The following SH3D19 variants were observed in gnomAD, a reference collection of about 807,000 sequenced individuals.
SH3D19 encodes the protein SH3 domain containing 19, also known as SH3 domain-containing protein 19.
SH3D19 carries 58 observed loss-of-function variants against 112.1 expected under a neutral mutation model. That is an observed-to-expected ratio of 0.52 (90% CI 0.42 to 0.64). SH3D19 has a LOEUF of 0.64. Ranked by LOEUF, SH3D19 falls within the 30% of genes least tolerant of loss-of-function variation. SH3D19 has a pLI of 0.00. For missense variants in SH3D19, 1,090 were observed against 1,263.4 expected, an observed-to-expected ratio of 0.86 and a Z score of 2.08; for synonymous variants, 391 against 448.5, an observed-to-expected ratio of 0.87 and a Z score of 1.62.
intron 2 of SH3D19, among the ~76,000 whole-genome samples, chr4:151,190,624 G>C (rs1308253301): frequency 6.6e-6 from 1 of 152,204 alleles, no homozygotes; most frequent in Non-Finnish European, 1.5e-5. Context: ...TCCATGTGGT[G>C]TTGAGCGTGC....
chr4:151,272,098 A>G (rs942908076), intron 1 of SH3D19, among the ~76,000 whole-genome samples: 6 of 152,228 alleles, frequency 3.9e-5, no homozygotes, highest in Non-Finnish European at 8.8e-5. Context: ...GAGCCAGTGA[A>G]GCAGTAAAAT....
rs1730947865 is a variant in SH3D19 at position 151,325,321 on chromosome 4, T to A, written c.32A>T (p.Glu11Val). ...TTCGCGGCGCTCGCGTAGCTCTTCC[T>A]CCTCGTCCTCCCGCCGCCGGCCCTC... is the stretch of plus-strand genomic sequence containing the variant. Reference protein sequence around the residue: MAEGRRREDEEEELRERRELG... With the variant: MAEGRRREDEVEELRERRELG... Residue 11 changes from glutamate to valine, a missense_variant, in exon 1 of 20, where the codon GAG becomes GTG. By Grantham distance (121) the Glu-to-Val change is moderately radical. Transcript: ENST00000604030. 1 of 1,217,488 alleles carries A rather than the reference T, an allele frequency of 8.2e-7. No homozygotes were observed. Among genetic ancestry groups the A allele is most frequent in the Non-Finnish European group, 1.0e-6 (1 of 978,740 alleles). 75.4% of individuals were successfully genotyped at this position (1,217,488 alleles called of 1,614,324 possible). A position where few individuals can be genotyped will look rare whatever the true frequency, so the allele number is the denominator to read the frequency against.
chr4:151,240,228 G>A (rs1202284185), intron 1 of SH3D19, among the ~76,000 whole-genome samples: 1 of 149,684 alleles, frequency 6.7e-6, no homozygotes, highest in Non-Finnish European at 1.5e-5. Context: ...AAGATGGCGA[G>A]ATCTGGTCTT....
chr4:151,205,660 A>T (rs1397298495), intron 2 of SH3D19, among the ~76,000 whole-genome samples: 1 of 152,232 alleles, frequency 6.6e-6, no homozygotes, highest in African/African-American at 2.4e-5. Context: ...TCATTTAATA[A>T]GAATCAATTA....
At chr4:151,231,835 C>G (rs1221436096) in intron 1 of SH3D19, among the ~76,000 whole-genome samples, 1 of 152,162 alleles carries the variant, frequency 6.6e-6, no homozygotes, top group Non-Finnish European at 1.5e-5. Context: ...ATGCAGTACT[C>G]TAATTACCCA....
chr4:151,257,398 T>C (rs1275478633), intron 1 of SH3D19, among the ~76,000 whole-genome samples: 1 of 152,122 alleles, frequency 6.6e-6, no homozygotes, highest in African/African-American at 2.4e-5. Context: ...GATAACTCAA[T>C]TGTAATAATT....
At chr4:151,286,430 A>G (rs1774793625) in intron 1 of SH3D19, among the ~76,000 whole-genome samples, 1 of 151,490 alleles carries the variant, frequency 6.6e-6, no homozygotes, top group South Asian at 2.1e-4. Context: ...ACCTTACAGA[A>G]ATAAAAAGAA....
intron 1 of SH3D19, among the ~76,000 whole-genome samples, chr4:151,237,066 C>A (rs1270716004): frequency 2.6e-5 from 4 of 152,218 alleles, no homozygotes; most frequent in African/African-American, 9.6e-5. Flanking sequence ...TGCTGCTGCT[C>A]ACCCTTTGGG....
At chr4:151,168,312 A>C (rs1275105095) in intron 7 of SH3D19, among the ~76,000 whole-genome samples, 2 of 152,140 alleles carry the variant, frequency 1.3e-5, no homozygotes, top group African/African-American at 4.8e-5. Flanking sequence ...GAGGCAGGTG[A>C]CATTGTCTTT....
Position 151,222,655 on chromosome 4 carries a change from G to GTCTC in SH3D19, c.152+3388_152+3391dup, listed in dbSNP as rs34787298. ...AGATTTGGTTGTTAATATCTCTTTG[G>GTCTC]TCTCTCTCTCTCTTTTTTTTTTTTT... On this transcript the variant is annotated intron_variant, in intron 2 of 19. Transcript: ENST00000604030. Among the ~76,000 whole-genome samples, 256 of 93,044 alleles carry GTCTC rather than the reference G, an allele frequency of 2.8e-3. 1 individual carries two copies. The highest frequency in any genetic ancestry group is 8.9e-3 in the African/African-American group (232 of 26,202). 61.0% of individuals were successfully genotyped at this position (93,044 alleles called of 152,430 possible).
In SH3D19 at chr4:151,128,226, C is replaced by A. The variant is rs761826202; in HGVS notation, c.2873G>T (p.Gly958Val). 6.2e-7 allele frequency: 1 copy of A among 1,614,048 alleles called. No individual in the cohort carries two copies. Among genetic ancestry groups the A allele is most frequent in the South Asian group, 1.1e-5 (1 of 91,054 alleles). Residue 958 changes from glycine (G) to valine (V), a missense_variant, in exon 18 of 20, where the codon GGC becomes GTC. Physicochemically the swap from Gly to Val is moderately radical, Grantham distance 109. Coordinates refer to ENST00000604030, the MANE Select transcript of SH3D19 (RefSeq NM_001378122.1). ...LERLDSDWCR[G>V]RLQDREGIFP... ...GATCCCCTCCCTGTCCTGCAGTCTG[C>A]CCCTGCACCAGTCAGAATCCAGACG...
In SH3D19 at chr4:151,148,125, G is replaced by A. The variant is rs771405140; in HGVS notation, c.1879C>T (p.Pro627Ser). 1.9e-6 allele frequency: 3 copies of A among 1,613,790 alleles called. No homozygotes were observed. Residue 627 changes from proline to serine, a missense_variant, in exon 11 of 20, where the codon CCA (proline) becomes TCA (serine). By Grantham distance (74) the Pro-to-Ser change is moderately conservative. Coordinates refer to ENST00000604030, the MANE Select transcript of SH3D19 (RefSeq NM_001378122.1). ...GTTGCAGAAAGCTTTGGGGGAGGTG[G>A]TCTCTCAGGGGGCACCTTGGTTGGA... ...QPPTKVPPER[P>S]PPPKLSATRR...
chr4:151,288,777 A>T (rs1221818821), intron 1 of SH3D19, among the ~76,000 whole-genome samples: 4 of 152,216 alleles, frequency 2.6e-5, no homozygotes, highest in Non-Finnish European at 4.4e-5. Context: ...TAATAGTTTT[A>T]AAAAGAATAA....
At chr4:151,168,120 A>C (rs1239877661) in intron 7 of SH3D19, among the ~76,000 whole-genome samples, 2 of 152,184 alleles carry the variant, frequency 1.3e-5, no homozygotes, top group African/African-American at 2.4e-5. Context: ...TCCAGCAGGA[A>C]GATCGAGACA....
intron 14 of SH3D19, among the ~76,000 whole-genome samples, chr4:151,135,485 C>T (rs556993748): frequency 7.7e-6 from 1 of 129,966 alleles, no homozygotes; most frequent in Non-Finnish European, 1.6e-5. Flanking sequence ...TGGAGTGCAG[C>T]GGCACAATCA....
At chr4:151,208,306 G>A (rs565717254) in intron 2 of SH3D19, among the ~76,000 whole-genome samples, 17 of 152,300 alleles carry the variant, frequency 1.1e-4, no homozygotes, top group Admixed American at 8.5e-4. Context: ...CCTGCCTTAC[G>A]AAATTCTGAC....
At chr4:151,193,830 C>T (rs1436010550) in intron 2 of SH3D19, among the ~76,000 whole-genome samples, 1 of 152,028 alleles carries the variant, frequency 6.6e-6, no homozygotes, top group Admixed American at 6.5e-5. Flanking sequence ...TAATTGTGTT[C>T]AATGGACACC....
chr4:151,283,256 T>A, intron 1 of SH3D19: 5 of 1,613,704 alleles, frequency 3.1e-6, no homozygotes, highest in Non-Finnish European at 4.2e-6. Flanking sequence ...TTTGTGCTGG[T>A]GATACTCAAA....
At chr4:151,270,746 G>T (rs1773173528) in intron 1 of SH3D19, among the ~76,000 whole-genome samples, 1 of 152,106 alleles carries the variant, frequency 6.6e-6, no homozygotes. Flanking sequence ...AGTATAAGTG[G>T]TCTGAAATGT....
Sources: gnomAD v4.1 joint callset for allele counts (sites outside exome capture counted in the v4.1 genomes callset) on GRCh38, gnomAD v4.1.1 for gene constraint, MANE v1.5 for transcripts, NCBI Gene and HGNC (gene_info 2026-07-23, HGNC 2026-07-21) for gene names.